CHRM3: variants seen among roughly 807,000 people sequenced by gnomAD.
CHRM3 encodes the protein cholinergic receptor muscarinic 3.
Under a neutral mutation model 41.8 loss-of-function variants are expected in CHRM3, and 11 were observed. The ratio of observed to expected loss-of-function variants is 0.26; its 90% CI spans 0.17 to 0.44. CHRM3 has a LOEUF of 0.44. CHRM3 is among the 20% of genes least tolerant of loss of function. CHRM3 has a pLI of 1.00. For synonymous variants in CHRM3, 297 were observed against 301.4 expected (o/e 0.99, Z 0.15); for missense variants, 571 against 745.4 (o/e 0.77, Z 2.72).
intron 3 of CHRM3, among the ~76,000 whole-genome samples, chr1:239,578,171 G>C (rs1464738042): frequency 1.3e-5 from 2 of 152,304 alleles, no homozygotes; most frequent in Middle Eastern, 6.8e-3. Context: ...TAGAAGGTCA[G>C]TTAGGTCAGT....
At chr1:239,633,640 G>A (rs773121040) in intron 4 of CHRM3, among the ~76,000 whole-genome samples, 3 of 152,180 alleles carry the variant, frequency 2.0e-5, no homozygotes, top group Non-Finnish European at 4.4e-5. Flanking sequence ...TCCCTGGGGA[G>A]AGACTTTCAA....
At chr1:239,905,196 T>C (rs775926294) in intron 6 of CHRM3, among the ~76,000 whole-genome samples, 2 of 152,192 alleles carry the variant, frequency 1.3e-5, no homozygotes, top group Non-Finnish European at 2.9e-5. Context: ...CGTGTGATGA[T>C]TTTTAACCAG....
chr1:239,662,381 C>T (rs188756865), intron 4 of CHRM3, among the ~76,000 whole-genome samples: 324 of 152,150 alleles, frequency 2.1e-3, no homozygotes, highest in African/African-American at 7.4e-3. Context: ...AAACCTTTAA[C>T]CTTGGGAAAT....
chr1:239,471,283 C>CT (rs1553307919), intron 1 of CHRM3, among the ~76,000 whole-genome samples: 1 of 152,070 alleles, frequency 6.6e-6, no homozygotes, highest in African/African-American at 2.4e-5. Flanking sequence ...CTTAACTGAG[C>CT]TAGAGGAGAG....
At position 239,503,670 on chromosome 1, in the gene CHRM3, A is replaced by G. The variant is rs143563008; in HGVS notation, c.-422+10863A>G. On this transcript the variant is annotated intron_variant, in intron 2 of 6. Transcript: ENST00000676153. Reference sequence around the variant, plus strand: ...ACACTACCTGATTTCCAACTATACTATAAGGCCATAGTCAACAAAACAGCA... The same window carrying G: ...ACACTACCTGATTTCCAACTATACTGTAAGGCCATAGTCAACAAAACAGCA... Among the ~76,000 whole-genome samples the G allele has an allele frequency of 5.3e-3, 813 of 152,340 alleles. 6 individuals are homozygous for G. The highest frequency in any genetic ancestry group is 0.019 in the African/African-American group (781 of 41,584).
chr1:239,648,238 C>T (rs1427438472), intron 4 of CHRM3, among the ~76,000 whole-genome samples: 1 of 152,174 alleles, frequency 6.6e-6, no homozygotes, highest in Non-Finnish European at 1.5e-5. Context: ...ATAGTTTTCA[C>T]TGATGCTTCA....
At chr1:239,742,278 G>C (rs1664925344) in intron 5 of CHRM3, among the ~76,000 whole-genome samples, 1 of 122,786 alleles carries the variant, frequency 8.1e-6, no homozygotes, top group Admixed American at 9.1e-5. Context: ...GTGACTTAAA[G>C]CAGTAACCAT....
rs1680446732 is a variant in CHRM3 at position 239,912,979 on chromosome 1, C to A, written c.*3755C>A. The A allele has an allele frequency of 6.0e-6, 1 of 167,066 alleles. No homozygotes were observed. Among genetic ancestry groups the A allele is most frequent in the African/African-American group, 2.4e-5 (1 of 41,458 alleles). The allele number at this position is 167,066 out of a possible 1,614,324, so 10.3% of individuals were successfully genotyped here. A position where few individuals can be genotyped will look rare whatever the true frequency, so the allele number is the denominator to read the frequency against. Reference sequence around the variant, plus strand: ...TATCCTCATTGCTCAAACTAAGCAACAACACCGAAGCTTCTCTAATTTGCC... The same window carrying A: ...TATCCTCATTGCTCAAACTAAGCAAAAACACCGAAGCTTCTCTAATTTGCC... On this transcript the variant is annotated 3_prime_UTR_variant, in exon 7 of 7. Transcript: ENST00000676153.
In CHRM3 at chr1:239,688,656, G is replaced by GTATAATATATAATATTATATGTTATGCAA. The variant is rs1286780344; in HGVS notation, c.-147+10389_-147+10417dup. Among the ~76,000 whole-genome samples the GTATAATATATAATATTATATGTTATGCAA allele has an allele frequency of 2.8e-3, 338 of 122,898 alleles. 2 individuals are homozygous for GTATAATATATAATATTATATGTTATGCAA. The highest frequency in any genetic ancestry group is 9.8e-3 in the African/African-American group (314 of 32,138). 80.6% of individuals were successfully genotyped at this position (122,898 alleles called of 152,430 possible). On this transcript the variant is annotated intron_variant, in intron 5 of 6. Transcript: ENST00000676153. The stretch of plus-strand genomic sequence containing the variant: ...CATAATATATATAATATATTACTCG[G>GTATAATATATAATATTATATGTTATGCAA]TATAATATATAATATTATATGTTAT...
At chr1:239,494,006 T>A (rs952018616) in intron 2 of CHRM3, among the ~76,000 whole-genome samples, 2 of 152,188 alleles carry the variant, frequency 1.3e-5, no homozygotes, top group African/African-American at 4.8e-5. Context: ...TCACAGGCAA[T>A]GTGCCCAGAT....
In CHRM3 at chr1:239,755,025, A is replaced by G. The variant is rs575444862; in HGVS notation, c.-146-72227A>G. 4.6e-5 allele frequency among the ~76,000 whole-genome samples: 7 copies of G among 152,308 alleles called. No homozygotes were observed. In the South Asian group the frequency reaches 1.2e-3, roughly 27 times the overall value. On this transcript the variant is annotated intron_variant, in intron 5 of 6. Transcript: ENST00000676153. ...TTGGATTAAGGGACTTTCCTGTTTC[A>G]TCAAAGCTTACAAGAGCTTTCCTAT...
intron 4 of CHRM3, among the ~76,000 whole-genome samples, chr1:239,660,116 A>G (rs1673057597): frequency 6.6e-6 from 1 of 152,110 alleles, no homozygotes; most frequent in African/African-American, 2.4e-5. Context: ...ACATGCCATC[A>G]TGCTTGCACT....
At chr1:239,821,947 T>G (rs1339019490) in intron 5 of CHRM3, among the ~76,000 whole-genome samples, 1 of 152,174 alleles carries the variant, frequency 6.6e-6, no homozygotes, top group Non-Finnish European at 1.5e-5. Context: ...TTCCCCTGCC[T>G]GCACTCACTA....
chr1:239,819,670 T>C (rs1356131403), intron 5 of CHRM3, among the ~76,000 whole-genome samples: 1 of 152,170 alleles, frequency 6.6e-6, no homozygotes, highest in Non-Finnish European at 1.5e-5. Flanking sequence ...AAGAAGCTCG[T>C]ATGGTAAAAA....
chr1:239,556,794 A>G (rs2148470290), intron 3 of CHRM3, among the ~76,000 whole-genome samples: 1 of 152,274 alleles, frequency 6.6e-6, no homozygotes, highest in Non-Finnish European at 1.5e-5. Flanking sequence ...ATTTATAAAG[A>G]GTTCCAATTG....
Position 239,914,263 on chromosome 1 carries a change from C to G in CHRM3, c.*5039C>G, listed in dbSNP as rs1288164172. 6.0e-6 allele frequency: 1 copy of G among 167,058 alleles called. No individual in the cohort carries two copies. Among genetic ancestry groups the G allele is most frequent in the Non-Finnish European group, 1.5e-5 (1 of 68,106 alleles). 10.3% of individuals were successfully genotyped at this position (167,058 alleles called of 1,614,324 possible). On this transcript the variant is annotated 3_prime_UTR_variant, in exon 7 of 7. Transcript: ENST00000676153. ...AGTTCCTTGATGATAGTAATTGGGT[C>G]TTATTCATCACTCTGTATCCTGTGG...
At chr1:239,808,154 C>T (rs76006012) in intron 5 of CHRM3, among the ~76,000 whole-genome samples, 1,915 of 152,234 alleles carry the variant, frequency 0.013, 48 homozygotes, top group African/African-American at 0.045. Flanking sequence ...GATGGGAGTT[C>T]AAATTCCATG....
chr1:239,728,854 A>T (rs939998298), intron 5 of CHRM3, among the ~76,000 whole-genome samples: 2 of 151,930 alleles, frequency 1.3e-5, no homozygotes, highest in Non-Finnish European at 2.9e-5. Flanking sequence ...GCCAATGTGG[A>T]TTCATTCATT....
chr1:239,610,996 A>G (rs1423632933), intron 3 of CHRM3, among the ~76,000 whole-genome samples: 1 of 152,162 alleles, frequency 6.6e-6, no homozygotes, highest in East Asian at 1.9e-4. Flanking sequence ...GGTTGCAGTG[A>G]GCCAAGATCG....
Sources: allele counts gnomAD v4.1 joint callset (sites outside exome capture counted in the v4.1 genomes callset), GRCh38; gene constraint gnomAD v4.1.1; transcripts MANE v1.5; gene names NCBI Gene and HGNC (gene_info 2026-07-23, HGNC 2026-07-21).